ADAM23: variants seen among roughly 807,000 people sequenced by gnomAD.
ADAM23 encodes disintegrin and metalloproteinase domain-containing protein 23.
A neutral mutation model predicts 120.1 loss-of-function variants in ADAM23; 33 were observed. That is an observed-to-expected ratio of 0.27 (90% CI 0.21 to 0.37). The LOEUF is 0.37. ADAM23 is among the 10% of genes least tolerant of loss of function. ADAM23 has a pLI of 1.00. For missense variants in ADAM23, 862 were observed against 1,058.2 expected, an observed-to-expected ratio of 0.81 and a Z score of 2.57; for synonymous variants, 367 against 375.2, an observed-to-expected ratio of 0.98 and a Z score of 0.25.
chr2:206,550,881 G>A (rs1052581593), intron 9 of ADAM23, among the ~76,000 whole-genome samples: 2 of 152,194 alleles, frequency 1.3e-5, no homozygotes, highest in Non-Finnish European at 2.9e-5. Flanking sequence ...GATTACAGGC[G>A]TGAGCCACCG....
At chr2:206,560,209 T>G in intron 11 of ADAM23, 91 bp downstream of exon 11, 1 of 1,352,250 alleles carries the variant, frequency 7.4e-7, no homozygotes, top group Non-Finnish European at 1.0e-6. Flanking sequence ...TATCAGAAAA[T>G]AGTGACTTGA....
chr2:206,510,165 G>A (rs889067490), intron 3 of ADAM23, among the ~76,000 whole-genome samples: 9 of 152,200 alleles, frequency 5.9e-5, no homozygotes, highest in Non-Finnish European at 8.8e-5. Context: ...GGAATTATAC[G>A]TGGAGGAACT....
intron 3 of ADAM23, among the ~76,000 whole-genome samples, chr2:206,490,647 C>G (rs1469714402): frequency 1.3e-5 from 2 of 152,132 alleles, no homozygotes; most frequent in African/African-American, 4.8e-5. Context: ...TCCTAGAGGC[C>G]TGATAGTATT....
In ADAM23 at chr2:206,523,298, CTT is replaced by C. The variant is rs1347947525; in HGVS notation, c.510-7586_510-7585del. Reference sequence around the variant, plus strand: ...TGGTTTAGGAGATCATTAAATTTCTCTTGTTACCCCCAAAGAAAAACCTCTAT... The same window carrying C: ...TGGTTTAGGAGATCATTAAATTTCTCGTTACCCCCAAAGAAAAACCTCTAT... On this transcript the variant is annotated intron_variant, in intron 3 of 25. Coordinates refer to ENST00000264377, the MANE Select transcript of ADAM23 (RefSeq NM_003812.4). Among the ~76,000 whole-genome samples, 9 of 49,456 alleles carry C rather than the reference CTT, an allele frequency of 1.8e-4. No homozygotes were observed. The Admixed American group carries it at 2.0e-3, about 11-fold the overall frequency. 32.4% of individuals were successfully genotyped at this position (49,456 alleles called of 152,430 possible).
At chr2:206,524,907 A>G (rs1559247724) in intron 3 of ADAM23, among the ~76,000 whole-genome samples, 1 of 152,218 alleles carries the variant, frequency 6.6e-6, no homozygotes, top group Non-Finnish European at 1.5e-5. Context: ...ACATACTCAC[A>G]GACTGTTTGC....
At chr2:206,488,327 A>G (rs1240023382) in intron 3 of ADAM23, among the ~76,000 whole-genome samples, 1 of 152,196 alleles carries the variant, frequency 6.6e-6, no homozygotes, top group East Asian at 1.9e-4. Context: ...GTGTACACGA[A>G]TAGTGTTAAA....
chr2:206,458,529 A>G (rs1368267741), intron 2 of ADAM23, among the ~76,000 whole-genome samples: 1 of 152,212 alleles, frequency 6.6e-6, no homozygotes, highest in African/African-American at 2.4e-5. Flanking sequence ...GCCCTGGACC[A>G]CATTGAGGCA....
At position 206,461,309 on chromosome 2, in the gene ADAM23, G is replaced by A. The variant is rs1409020221; in HGVS notation, c.432+15785G>A. Among the ~76,000 whole-genome samples the A allele has an allele frequency of 2.0e-5, 3 of 152,038 alleles. No individual in the cohort carries two copies. In the South Asian group the frequency reaches 6.2e-4, roughly 31 times the overall value. On this transcript the variant is annotated intron_variant, in intron 2 of 25. Transcript: ENST00000264377. ...ACTCCTGACCTCAAGTGACCCACCT[G>A]CCTTGGCCTCCCGAAGTGCGTGATT...
intron 3 of ADAM23, among the ~76,000 whole-genome samples, chr2:206,509,480 G>T (rs922080665): frequency 6.6e-6 from 1 of 151,616 alleles, no homozygotes; most frequent in Non-Finnish European, 1.5e-5. Context: ...ATGGAGTCTC[G>T]CTCTGTCACC....
At position 206,444,065 on chromosome 2, in the gene ADAM23, G is replaced by A; in HGVS notation, c.199G>A (p.Ala67Thr). 2.2e-6 allele frequency: 3 copies of A among 1,375,884 alleles called. No individual in the cohort carries two copies. Among genetic ancestry groups the A allele is most frequent in the Non-Finnish European group, 2.8e-6 (3 of 1,063,090 alleles). The allele number at this position is 1,375,884 out of a possible 1,614,324, so 85.2% of individuals were successfully genotyped here. ...AASSRPRAWGAAAPSAPHWNE... is the reference protein window; with the variant it reads ...AASSRPRAWGTAAPSAPHWNE... ...CTCGTCCCGGCCCCGCGCCTGGGGG[G>A]CTGCTGCGCCCAGCGGTGGGTATGG... The change falls in exon 1 of 26, where the codon GCT (alanine) becomes ACT (threonine). Residue 67 changes from alanine to threonine, a missense_variant. Physicochemically the swap from Ala to Thr is moderately conservative, Grantham distance 58. This residue lies in a region of ADAM23 where 225 missense variants were observed against 204.0 expected (regional missense o/e 1.10). Coordinates refer to ENST00000264377, the MANE Select transcript of ADAM23 (RefSeq NM_003812.4).
At chr2:206,495,629 G>A (rs1000146731) in intron 3 of ADAM23, among the ~76,000 whole-genome samples, 88 of 151,438 alleles carry the variant, frequency 5.8e-4, no homozygotes, top group Admixed American at 4.0e-4. Flanking sequence ...CATAATGACA[G>A]GATCAAATTC....
Position 206,588,083 on chromosome 2 carries a change from G to C in ADAM23, c.1789-8G>C. The C allele has an allele frequency of 6.2e-7, 1 of 1,614,054 alleles. No homozygotes were observed. Among genetic ancestry groups the C allele is most frequent in the Non-Finnish European group, 8.5e-7 (1 of 1,179,930 alleles). The stretch of plus-strand genomic sequence containing the variant: ...CTGTGTGCCTCACATGTGTGCTCCT[G>C]TCCCCAGGGCCGCTGCTACAATGGC... On this transcript the variant is annotated splice_polypyrimidine_tract_variant and splice_region_variant and intron_variant, in intron 19 of 25. Coordinates refer to ENST00000264377, the MANE Select transcript of ADAM23 (RefSeq NM_003812.4).
rs1209936140 is a variant in ADAM23 at position 206,587,316 on chromosome 2, A to T, written c.1738-9A>T. 6.2e-7 allele frequency: 1 copy of T among 1,601,508 alleles called. No individual in the cohort carries two copies. Among genetic ancestry groups the T allele is most frequent in the East Asian group, 2.2e-5 (1 of 44,680 alleles). On this transcript the variant is annotated splice_polypyrimidine_tract_variant and intron_variant, in intron 18 of 25. Coordinates refer to ENST00000264377, the MANE Select transcript of ADAM23 (RefSeq NM_003812.4). ...GCTGAATATTAACTAAAAAGATAATATTTTGCAGTGCCCACCAAATCTTCA... is the reference window on the plus strand; with the variant it reads ...GCTGAATATTAACTAAAAAGATAATTTTTTGCAGTGCCCACCAAATCTTCA...
chr2:206,570,815 G>T lies in ADAM23; in HGVS notation c.1566+4G>T, dbSNP rs1697980941. On this transcript the variant is annotated splice_donor_region_variant and intron_variant, in intron 16 of 25. Coordinates refer to ENST00000264377, the MANE Select transcript of ADAM23 (RefSeq NM_003812.4). ...GTGTGATTGTGGTTTTCATGTGGTA[G>T]GTATAAGAAACCTTCTATACTTACA... 1.2e-6 allele frequency: 2 copies of T among 1,611,872 alleles called. No homozygotes were observed. The highest frequency in any genetic ancestry group is 3.3e-5 in the Admixed American group (2 of 59,996).
Position 206,444,077 on chromosome 2 carries a change from A to G in ADAM23, c.211A>G (p.Ser71Gly). Reference protein sequence around the residue: ...RPRAWGAAAPSAPHWNETAEK... With the variant: ...RPRAWGAAAPGAPHWNETAEK... The stretch of plus-strand genomic sequence containing the variant: ...CCGCGCCTGGGGGGCTGCTGCGCCC[A>G]GCGGTGGGTATGGCCCCGTGCCCTT... Residue 71 changes from serine to glycine, a missense_variant, in exon 1 of 26, where the codon AGC becomes GGC. Ser to Gly is a moderately conservative substitution (Grantham distance 56, BLOSUM62 0). Transcript: ENST00000264377. The G allele has an allele frequency of 7.4e-7, 1 of 1,358,668 alleles. No individual in the cohort carries two copies. The allele number at this position is 1,358,668 out of a possible 1,614,324, so 84.2% of individuals were successfully genotyped here.
chr2:206,501,081 A>C (rs1348759921), intron 3 of ADAM23, among the ~76,000 whole-genome samples: 1 of 151,720 alleles, frequency 6.6e-6, no homozygotes, highest in Non-Finnish European at 1.5e-5. Flanking sequence ...TTTGATTGTG[A>C]TACCTCAGTG....
At chr2:206,529,867 A>G (rs1697015423) in intron 3 of ADAM23, among the ~76,000 whole-genome samples, 1 of 151,980 alleles carries the variant, frequency 6.6e-6, no homozygotes, top group Non-Finnish European at 1.5e-5. Context: ...GATGGAGTGC[A>G]GTGGCATGAT....
At chr2:206,463,418 G>T (rs966666360) in intron 2 of ADAM23, among the ~76,000 whole-genome samples, 3 of 152,204 alleles carry the variant, frequency 2.0e-5, no homozygotes, top group Non-Finnish European at 4.4e-5. Flanking sequence ...TCCAGATGGA[G>T]CCAGCCCTGC....
chr2:206,495,399 T>C (rs1297492341), intron 3 of ADAM23, among the ~76,000 whole-genome samples: 1 of 152,034 alleles, frequency 6.6e-6, no homozygotes, highest in Non-Finnish European at 1.5e-5. Context: ...CCAGCCAAAC[T>C]AAGCTTCATA....
Sources: allele counts gnomAD v4.1 joint callset (sites outside exome capture counted in the v4.1 genomes callset), GRCh38; gene constraint gnomAD v4.1.1; regional missense constraint gnomAD v4.1.1; transcripts MANE v1.5; gene names NCBI Gene and HGNC (gene_info 2026-07-23, HGNC 2026-07-21).